UPP2: variants seen among roughly 807,000 people sequenced by gnomAD.
UPP2 encodes uridine phosphorylase 2, also known as UPase 2.
Under a neutral mutation model 26.7 loss-of-function variants are expected in UPP2, and 23 were observed. The observed-to-expected ratio is 0.86, with a 90% CI of 0.62 to 1.22. The LOEUF is 1.22. Ranked by LOEUF, UPP2 falls within the 50% of genes most tolerant of loss-of-function variation. The pLI is 0.00. For missense variants in UPP2, 387 were observed against 396.7 expected (o/e 0.98, Z 0.21); for synonymous variants, 127 against 141.3 (o/e 0.90, Z 0.72).
intron 3 of UPP2, among the ~76,000 whole-genome samples, chr2:158,089,534 G>A (rs1429113419): frequency 1.3e-5 from 2 of 152,160 alleles, no homozygotes; most frequent in Non-Finnish European, 2.9e-5. Flanking sequence ...CTTTGCACTC[G>A]GTTGAAATTG....
chr2:158,123,555 A>G (rs1683621950), intron 5 of UPP2, among the ~76,000 whole-genome samples, 194 bp from the exon 6 acceptor site: 1 of 152,006 alleles, frequency 6.6e-6, no homozygotes, highest in African/African-American at 2.4e-5. Flanking sequence ...TACGTATGAG[A>G]CTCCTCAGCT....
Position 158,021,206 on chromosome 2 carries a change from A to G in UPP2, c.147+5320A>G, listed in dbSNP as rs947635272. 2.6e-5 allele frequency among the ~76,000 whole-genome samples: 4 copies of G among 152,358 alleles called. No homozygotes were observed. The South Asian group carries it at 6.2e-4, about 24-fold the overall frequency. On this transcript the variant is annotated intron_variant, in intron 3 of 9. Transcript: ENST00000605860. ...CTCCATGCAGTAATATGGGTCTTGCACTTCTAAATATTTTAACCTTTCCAA... is the reference window on the plus strand; with the variant it reads ...CTCCATGCAGTAATATGGGTCTTGCGCTTCTAAATATTTTAACCTTTCCAA...
intron 3 of UPP2, among the ~76,000 whole-genome samples, chr2:158,069,694 T>A (rs193181487): frequency 6.6e-6 from 1 of 152,342 alleles, no homozygotes; most frequent in Admixed American, 6.5e-5. Flanking sequence ...TCCACTGGCA[T>A]GGCACCTCAG....
At chr2:158,071,120 C>T (rs370606142) in intron 3 of UPP2, among the ~76,000 whole-genome samples, 2 of 152,174 alleles carry the variant, frequency 1.3e-5, no homozygotes, top group South Asian at 4.1e-4. Flanking sequence ...TACTGCATTT[C>T]CTAGGCAAGT....
chr2:158,098,824 G>A (rs754283720), upstream of UPP2, among the ~76,000 whole-genome samples: 38 of 152,134 alleles, frequency 2.5e-4, no homozygotes, highest in Non-Finnish European at 4.4e-4. Flanking sequence ...AGGAGGGTGC[G>A]TATACTGAGA....
At chr2:158,117,802 G>A in intron 3 of UPP2, 22 bp from the exon 4 acceptor site, 2 of 1,561,116 alleles carry the variant, frequency 1.3e-6, no homozygotes, top group Non-Finnish European at 1.8e-6. Context: ...GATGTATGAT[G>A]ACTTTCTCTT....
intron 3 of UPP2, among the ~76,000 whole-genome samples, chr2:158,086,790 T>C (rs749702438): frequency 1.1e-4 from 17 of 152,288 alleles, no homozygotes; most frequent in South Asian, 2.1e-4. Flanking sequence ...TGCAGGTATT[T>C]GCATGGTTTT....
At chr2:158,123,584 C>G (rs1238077123) in intron 5 of UPP2, among the ~76,000 whole-genome samples, 165 bp from the exon 6 acceptor site, 1 of 152,230 alleles carries the variant, frequency 6.6e-6, no homozygotes, top group Non-Finnish European at 1.5e-5. Context: ...CATCGCTCCA[C>G]AGTCCTCTGG....
intron 2 of UPP2, among the ~76,000 whole-genome samples, chr2:157,999,245 C>G (rs1683368527): frequency 6.6e-6 from 1 of 152,154 alleles, no homozygotes; most frequent in African/African-American, 2.4e-5. Flanking sequence ...ATGGTGTGAT[C>G]TTAGCTCACC....
chr2:158,016,805 C>A (rs1683667136), intron 3 of UPP2, among the ~76,000 whole-genome samples: 1 of 152,054 alleles, frequency 6.6e-6, no homozygotes, highest in Admixed American at 6.6e-5. Context: ...TCTGTCCCCA[C>A]CCCACAAGCA....
chr2:158,000,066 A>AT (rs1306162964), intron 2 of UPP2, among the ~76,000 whole-genome samples: 2 of 144,504 alleles, frequency 1.4e-5, no homozygotes, highest in African/African-American at 2.7e-5. Flanking sequence ...GTGCCTTTCA[A>AT]ATTTTTTTTT....
At chr2:158,079,916 G>A (rs1456294257) in intron 3 of UPP2, among the ~76,000 whole-genome samples, 5 of 152,144 alleles carry the variant, frequency 3.3e-5, no homozygotes, top group Non-Finnish European at 7.4e-5. Flanking sequence ...GGCACTATTT[G>A]CACAGAGACA....
chr2:158,102,564 A>T (rs1683099131), intron 1 of UPP2, among the ~76,000 whole-genome samples: 2 of 152,160 alleles, frequency 1.3e-5, no homozygotes, highest in South Asian at 4.1e-4. Flanking sequence ...ATGCTTCATG[A>T]TGGACCTTAC....
intron 3 of UPP2, among the ~76,000 whole-genome samples, chr2:158,072,176 T>C (rs1321621051): frequency 2.0e-5 from 3 of 152,066 alleles, no homozygotes; most frequent in Non-Finnish European, 2.9e-5. Flanking sequence ...ACGTGAATAT[T>C]GGTGGTGGCA....
intron 2 of UPP2, chr2:158,015,720 C>T (rs546613257): frequency 4.5e-6 from 2 of 441,286 alleles, no homozygotes; most frequent in South Asian, 1.6e-5. Context: ...ATAGTGAGCT[C>T]TCACAAGATT....
chr2:158,117,824 C>A lies in UPP2; in HGVS notation c.340C>A (p.His114Asn). 6.2e-7 allele frequency: 1 copy of A among 1,605,576 alleles called. No homozygotes were observed. Among genetic ancestry groups the A allele is most frequent in the Non-Finnish European group, 8.5e-7 (1 of 1,172,292 alleles). Residue 114 changes from histidine (H) to asparagine (N), a missense_variant and splice_region_variant, in exon 4 of 7, where the codon CAC becomes AAC. His to Asn is a moderately conservative substitution (Grantham distance 68). Coordinates refer to ENST00000005756, the MANE Select transcript of UPP2 (RefSeq NM_173355.4). ...YKTGPVLAIS[H>N]GMGIPSISIM... The stretch of plus-strand genomic sequence containing the variant: ...GATGACTTTCTCTTTCTCTCAATAG[C>A]ACGGCATGGGCATCCCCTCCATTTC...
chr2:158,081,374 T>C (rs945608564), intron 3 of UPP2, among the ~76,000 whole-genome samples: 2 of 152,154 alleles, frequency 1.3e-5, no homozygotes, highest in African/African-American at 4.8e-5. Context: ...TTGAAGGGAA[T>C]GTAAATTAGT....
At chr2:158,092,152 C>T (rs951004896) in intron 3 of UPP2, among the ~76,000 whole-genome samples, 4 of 152,094 alleles carry the variant, frequency 2.6e-5, no homozygotes, top group Non-Finnish European at 5.9e-5. Context: ...GCCTAACATA[C>T]ATCTAAGAGG....
chr2:158,034,759 C>T (rs1558909965), intron 3 of UPP2, among the ~76,000 whole-genome samples: 1 of 152,184 alleles, frequency 6.6e-6, no homozygotes, highest in Admixed American at 6.5e-5. Context: ...AGAGCATGAA[C>T]CATTTCTGGC....
Sources: allele counts gnomAD v4.1 joint callset (sites outside exome capture counted in the v4.1 genomes callset), GRCh38; gene constraint gnomAD v4.1.1; transcripts MANE v1.5; gene names NCBI Gene and HGNC (gene_info 2026-07-23, HGNC 2026-07-21).